Variants in CNTN5 observed in about 807,000 individuals in gnomAD.
CNTN5 encodes the protein contactin-5.
In CNTN5, 77 loss-of-function variants were observed where a neutral mutation model predicts 129.1. The observed-to-expected ratio is 0.60, with a 90% CI of 0.50 to 0.72. CNTN5 has a LOEUF of 0.72. Ranked by LOEUF, CNTN5 falls within the 30% of genes least tolerant of loss-of-function variation. The pLI is 0.00. For missense variants in CNTN5, 1,478 were observed against 1,328.8 expected, an observed-to-expected ratio of 1.11 and a Z score of -1.75; for synonymous variants, 509 against 465.6, an observed-to-expected ratio of 1.09 and a Z score of -1.20.
intron 19 of CNTN5, among the ~76,000 whole-genome samples, chr11:100,298,837 A>G (rs757359505): frequency 9.2e-5 from 14 of 151,372 alleles, no homozygotes; most frequent in Non-Finnish European, 1.8e-4. Context: ...CCATAGGACA[A>G]TTTTCCCCAA....
chr11:99,824,879 G>A (rs990652934), intron 4 of CNTN5, among the ~76,000 whole-genome samples: 8 of 151,860 alleles, frequency 5.3e-5, no homozygotes, highest in Non-Finnish European at 1.0e-4. Context: ...AAATCCTTCA[G>A]TAACATGGTT....
chr11:99,137,320 G>A (rs1859277890), intron 1 of CNTN5, among the ~76,000 whole-genome samples: 1 of 152,014 alleles, frequency 6.6e-6, no homozygotes, highest in African/African-American at 2.4e-5. Context: ...AGTTGCAAAG[G>A]GTATTTCTAG....
At chr11:99,024,730 G>A (rs1447090342) in intron 1 of CNTN5, among the ~76,000 whole-genome samples, 5 of 151,812 alleles carry the variant, frequency 3.3e-5, no homozygotes, top group African/African-American at 9.7e-5. Context: ...CAGGGAACTG[G>A]GAACTTTCCA....
chr11:99,923,093 A>G (rs1043370677), intron 7 of CNTN5, among the ~76,000 whole-genome samples: 1 of 152,304 alleles, frequency 6.6e-6, no homozygotes, highest in Admixed American at 6.5e-5. Flanking sequence ...CCATTTTCTT[A>G]TTACCTCAAA....
intron 3 of CNTN5, among the ~76,000 whole-genome samples, chr11:99,815,364 T>G (rs936025503): frequency 6.6e-6 from 1 of 151,046 alleles, no homozygotes; most frequent in Non-Finnish European, 1.5e-5. Flanking sequence ...GAACTAAGAC[T>G]GAGGAGTGGG....
intron 3 of CNTN5, among the ~76,000 whole-genome samples, chr11:99,709,853 C>G (rs796323330): frequency 2.0e-5 from 3 of 151,510 alleles, no homozygotes; most frequent in Non-Finnish European, 3.0e-5. Context: ...GAGGAGAGCC[C>G]TTAGGTTTAG....
At chr11:99,759,806 A>G (rs1944520589) in intron 3 of CNTN5, among the ~76,000 whole-genome samples, 1 of 152,074 alleles carries the variant, frequency 6.6e-6, no homozygotes. Flanking sequence ...TAAAAGAAAG[A>G]AAACTTAATG....
At chr11:99,775,768 TAAGTG>T (rs1214538934) in intron 3 of CNTN5, among the ~76,000 whole-genome samples, 1 of 151,180 alleles carries the variant, frequency 6.6e-6, no homozygotes, top group African/African-American at 2.4e-5. Flanking sequence ...TAATATATTT[TAAGTG>T]AAGTTTCCAC....
At chr11:100,306,840 A>G (rs1951360733) in intron 20 of CNTN5, among the ~76,000 whole-genome samples, 1 of 151,718 alleles carries the variant, frequency 6.6e-6, no homozygotes, top group South Asian at 2.1e-4. Context: ...AAAGAAAATA[A>G]TAAAAAATAT....
intron 3 of CNTN5, among the ~76,000 whole-genome samples, chr11:99,799,076 G>A (rs1420200323): frequency 2.0e-5 from 3 of 151,948 alleles, no homozygotes; most frequent in Admixed American, 1.3e-4. Flanking sequence ...ACTGTTATTA[G>A]TATATAGAAA....
At chr11:99,524,973 A>G (rs1003469851) in intron 2 of CNTN5, among the ~76,000 whole-genome samples, 1 of 152,146 alleles carries the variant, frequency 6.6e-6, no homozygotes, top group African/African-American at 2.4e-5. Flanking sequence ...CAACAAGTGA[A>G]AATTTCCAAA....
chr11:99,937,290 G>A lies in CNTN5; in HGVS notation c.674-19516G>A, dbSNP rs75254279. On this transcript the variant is annotated intron_variant, in intron 7 of 24. Coordinates refer to ENST00000524871, the MANE Select transcript of CNTN5 (RefSeq NM_014361.4). ...TGCAGTTCTGAGATCTCTCTGCAAA[G>A]CTGGTCTGGAGGATAGCCATATAAA... is the stretch of plus-strand genomic sequence containing the variant. Among the ~76,000 whole-genome samples the A allele has an allele frequency of 7.3e-3, 1,116 of 152,294 alleles. 7 individuals carry two copies. The highest frequency in any genetic ancestry group is 9.5e-3 in the Non-Finnish European group (646 of 68,022).
chr11:100,110,675 T>A (rs1945626704), intron 13 of CNTN5, among the ~76,000 whole-genome samples: 1 of 152,206 alleles, frequency 6.6e-6, no homozygotes, highest in African/African-American at 2.4e-5. Flanking sequence ...TATATTTGCT[T>A]ATCAATTGTA....
At chr11:99,188,324 G>T (rs1048261814) in intron 1 of CNTN5, among the ~76,000 whole-genome samples, 2 of 151,790 alleles carry the variant, frequency 1.3e-5, no homozygotes, top group Admixed American at 1.3e-4. Flanking sequence ...ATTCAAAGGT[G>T]ACTGAATATG....
At chr11:99,332,102 C>G (rs1866024429) in intron 2 of CNTN5, among the ~76,000 whole-genome samples, 1 of 151,906 alleles carries the variant, frequency 6.6e-6, no homozygotes, top group East Asian at 1.9e-4. Context: ...ATAGCAATAG[C>G]TAACTGATAG....
In CNTN5 at chr11:99,905,161, A is replaced by G. The variant is rs188815430; in HGVS notation, c.578-10893A>G. On this transcript the variant is annotated intron_variant, in intron 6 of 24. Coordinates refer to ENST00000524871, the MANE Select transcript of CNTN5 (RefSeq NM_014361.4). ...TAGTTTAATTAGATCTCATTTGTCA[A>G]TTTTGGCTTTTGTTGTCATTGCTTT... Among the ~76,000 whole-genome samples the G allele has an allele frequency of 1.7e-3, 253 of 152,244 alleles. 3 individuals carry two copies. Among genetic ancestry groups the G allele is most frequent in the African/African-American group, 5.9e-3 (247 of 41,558 alleles).
intron 2 of CNTN5, among the ~76,000 whole-genome samples, chr11:99,450,502 T>C (rs1027399049): frequency 6.6e-6 from 1 of 152,082 alleles, no homozygotes; most frequent in African/African-American, 2.4e-5. Context: ...TAATCTTAAA[T>C]CTTAAAAACA....
intron 2 of CNTN5, among the ~76,000 whole-genome samples, chr11:99,387,445 T>C (rs1185404043): frequency 1.3e-5 from 2 of 152,218 alleles, no homozygotes; most frequent in Non-Finnish European, 2.9e-5. Context: ...TCTCTTTTCA[T>C]TATTAAACAC....
chr11:99,407,987 A>G (rs578024978), intron 2 of CNTN5, among the ~76,000 whole-genome samples: 1 of 152,282 alleles, frequency 6.6e-6, no homozygotes, highest in East Asian at 1.9e-4. Flanking sequence ...CTACCTGTTC[A>G]GTGCCTCTTT....
Sources: allele counts gnomAD v4.1 joint callset (sites outside exome capture counted in the v4.1 genomes callset), GRCh38; gene constraint gnomAD v4.1.1; transcripts MANE v1.5; gene names NCBI Gene and HGNC (gene_info 2026-07-23, HGNC 2026-07-21).